The following CSMD1 variants were observed in gnomAD, a reference collection of about 807,000 sequenced individuals.
CSMD1 encodes CUB and Sushi multiple domains 1.
A neutral mutation model predicts 417.5 loss-of-function variants in CSMD1; 213 were observed. The observed-to-expected ratio is 0.51, with a 90% CI of 0.46 to 0.57. The LOEUF (loss-of-function observed/expected upper bound fraction) is 0.57, where lower values mean the gene tolerates loss of function less well. Ranked by LOEUF, CSMD1 falls within the 20% of genes least tolerant of loss-of-function variation. CSMD1 has a pLI of 0.00. For missense variants in CSMD1, 6,923 were observed against 4,529.7 expected (o/e 1.53, Z -15.17); for synonymous variants, 2,862 against 1,736.8 (o/e 1.65, Z -16.11).
At chr8:4,079,658 G>T (rs762068975) in intron 3 of CSMD1, among the ~76,000 whole-genome samples, 5 of 152,206 alleles carry the variant, frequency 3.3e-5, no homozygotes, top group African/African-American at 1.2e-4. Context: ...TTGTTTCAGC[G>T]TTCTTGTGGG....
chr8:4,455,958 A>AAAAAAT (rs1158772124), intron 2 of CSMD1, among the ~76,000 whole-genome samples: 2 of 143,870 alleles, frequency 1.4e-5, no homozygotes, highest in African/African-American at 2.6e-5. Context: ...AAAAAAAAAA[A>AAAAAAT]AAAAATGCAG....
At chr8:4,550,957 C>A (rs61235114) in intron 2 of CSMD1, among the ~76,000 whole-genome samples, 1 of 152,220 alleles carries the variant, frequency 6.6e-6, no homozygotes, top group African/African-American at 2.4e-5. Flanking sequence ...AGCATTTCAA[C>A]GAATTCATTA....
intron 68 of CSMD1, among the ~76,000 whole-genome samples, chr8:2,944,477 A>C (rs1031261226): frequency 6.6e-6 from 1 of 152,170 alleles, no homozygotes; most frequent in East Asian, 1.9e-4. Context: ...GGTTGTGAAA[A>C]TCATATGTTA....
At chr8:2,972,294 G>T (rs1206322138) in intron 57 of CSMD1, among the ~76,000 whole-genome samples, 4 of 152,166 alleles carry the variant, frequency 2.6e-5, no homozygotes, top group Admixed American at 1.3e-4. Context: ...GTGTATGTGA[G>T]CTTACTCAAG....
At chr8:3,939,162 CAT>C (rs1258286101) in intron 5 of CSMD1, among the ~76,000 whole-genome samples, 2 of 152,038 alleles carry the variant, frequency 1.3e-5, no homozygotes, top group African/African-American at 4.8e-5. Flanking sequence ...ACCAATCTAA[CAT>C]AGTTTCTGAG....
intron 3 of CSMD1, among the ~76,000 whole-genome samples, chr8:4,094,312 G>C (rs950590352): frequency 1.2e-4 from 18 of 152,064 alleles, no homozygotes; most frequent in Admixed American, 1.1e-3. Flanking sequence ...ATCAGCAGGC[G>C]ACTGTAGGAA....
intron 3 of CSMD1, among the ~76,000 whole-genome samples, chr8:4,064,118 T>G (rs1799120680): frequency 6.6e-6 from 1 of 152,186 alleles, no homozygotes; most frequent in African/African-American, 2.4e-5. Flanking sequence ...CAAAGGGTCC[T>G]AGAAAATTGT....
chr8:4,131,911 C>T lies in CSMD1; in HGVS notation c.416-99812G>A, dbSNP rs190053383. ...CCATGTAGCTGGGACTACAGGTGCC[C>T]GCAACCACACCTGGCTACTTTTTTG... On this transcript the variant is annotated intron_variant, in intron 3 of 69. Transcript: ENST00000635120. Among the ~76,000 whole-genome samples the T allele has an allele frequency of 3.3e-5, 5 of 151,930 alleles. No individual in the cohort carries two copies. The South Asian group carries it at 8.3e-4, about 25-fold the overall frequency.
At position 4,931,442 on chromosome 8, in the gene CSMD1, T is replaced by G. The variant is rs114867818; in HGVS notation, c.85+62890A>C. On this transcript the variant is annotated intron_variant, in intron 1 of 69. Coordinates refer to ENST00000635120, the MANE Select transcript of CSMD1 (RefSeq NM_033225.6). ...TGGCTGGTTACCTTTAGTTGCCAAT[T>G]TCAAACGCCCAGCCTGCCCACCGTC... 6.8e-3 allele frequency among the ~76,000 whole-genome samples: 1,031 copies of G among 152,266 alleles called. 8 individuals carry two copies. The highest frequency in any genetic ancestry group is 0.024 in the African/African-American group (986 of 41,548).
intron 2 of CSMD1, among the ~76,000 whole-genome samples, chr8:4,511,068 C>T (rs1000108650): frequency 6.6e-6 from 1 of 152,046 alleles, no homozygotes; most frequent in Non-Finnish European, 1.5e-5. Context: ...TCTCAGCCAT[C>T]CTTCAGCCTG....
At position 4,637,451 on chromosome 8, in the gene CSMD1, C is replaced by T. The variant is rs781632365; in HGVS notation, c.193G>A (p.Gly65Ser). 11 of 1,613,672 alleles carry T rather than the reference C, an allele frequency of 6.8e-6. No homozygotes were observed. Among genetic ancestry groups the T allele is most frequent in the South Asian group, 1.1e-5 (1 of 91,078 alleles). ...GACAACTGTATCCTATTGCGCTCGCCCGTGATGATGATCCAGGTGCAGTTG... is the reference window on the plus strand; with the variant it reads ...GACAACTGTATCCTATTGCGCTCGCTCGTGATGATGATCCAGGTGCAGTTG... ...YANCTWIIITGERNRIQLSFH... is the reference protein window; with the variant it reads ...YANCTWIIITSERNRIQLSFH... Residue 65 changes from glycine to serine, a missense_variant, in exon 2 of 70, where the codon GGC (glycine) becomes AGC (serine). Coordinates refer to ENST00000635120, the MANE Select transcript of CSMD1 (RefSeq NM_033225.6).
chr8:3,200,176 T>C (rs977383514), intron 32 of CSMD1, among the ~76,000 whole-genome samples: 1 of 152,092 alleles, frequency 6.6e-6, no homozygotes, highest in Non-Finnish European at 1.5e-5. Flanking sequence ...CTTAAAAAAT[T>C]TTTAAAAGTA....
chr8:4,305,051 C>T (rs1798172912), intron 3 of CSMD1, among the ~76,000 whole-genome samples: 1 of 152,202 alleles, frequency 6.6e-6, no homozygotes. Context: ...CTTTTCAACA[C>T]AGGCACCTAT....
rs1475827770 is a variant in CSMD1, at chr8:4,043,019, C to A, written c.416-10920G>T. On this transcript the variant is annotated intron_variant, in intron 3 of 69. Transcript: ENST00000635120. ...TGGTGACTTGCACCTGTAGTCCCAG[C>A]TACTTGGGAGGTTGAAGCAGGAGAA... 2.0e-5 allele frequency among the ~76,000 whole-genome samples: 3 copies of A among 151,864 alleles called. No homozygotes were observed. The Middle Eastern group carries it at 0.01, about 517-fold the overall frequency.
chr8:3,458,725 T>A (rs1816308548), intron 12 of CSMD1, among the ~76,000 whole-genome samples: 1 of 152,142 alleles, frequency 6.6e-6, no homozygotes, highest in African/African-American at 2.4e-5. Context: ...TATTAATATA[T>A]TTGGTTTGTA....
chr8:4,114,114 C>A (rs1268314665), intron 3 of CSMD1, among the ~76,000 whole-genome samples: 2 of 152,132 alleles, frequency 1.3e-5, no homozygotes, highest in Non-Finnish European at 2.9e-5. Context: ...CCATCTAGGA[C>A]TTTCATAGGA....
rs577958444 is a variant in CSMD1 at position 4,859,636 on chromosome 8, A to G, written c.85+134696T>C. On this transcript the variant is annotated intron_variant, in intron 1 of 69. Coordinates refer to ENST00000635120, the MANE Select transcript of CSMD1 (RefSeq NM_033225.6). ...ACACTTCTCAAAAGAAGACGTTTAT[A>G]CAGCCAAAAAACACATGAAAAAATG... Among the ~76,000 whole-genome samples the G allele has an allele frequency of 2.3e-3, 347 of 152,226 alleles. 4 individuals are homozygous for G. Among genetic ancestry groups the G allele is most frequent in the African/African-American group, 8.0e-3 (333 of 41,528 alleles).
At chr8:3,481,154 CAAAAA>C (rs1221192557) in intron 11 of CSMD1, among the ~76,000 whole-genome samples, 2 of 69,444 alleles carry the variant, frequency 2.9e-5, no homozygotes, top group East Asian at 5.5e-4. Context: ...GACTCCATCT[CAAAAA>C]AAAAAAAAAA....
intron 11 of CSMD1, among the ~76,000 whole-genome samples, chr8:3,486,499 G>C (rs1308523991): frequency 2.0e-5 from 3 of 152,146 alleles, no homozygotes; most frequent in Non-Finnish European, 2.9e-5. Context: ...TGGGTCTTTT[G>C]GGTCTGTAAA....
Sources: gnomAD v4.1 joint callset for allele counts (sites outside exome capture counted in the v4.1 genomes callset) on GRCh38, gnomAD v4.1.1 for gene constraint, MANE v1.5 for transcripts, NCBI Gene and HGNC (gene_info 2026-07-23, HGNC 2026-07-21) for gene names.